Variants in COL24A1 observed in about 807,000 individuals in gnomAD.
COL24A1 encodes the protein collagen type XXIV alpha 1 chain.
In COL24A1, 224 loss-of-function variants were observed where a neutral mutation model predicts 253.9. The observed-to-expected ratio is 0.88, with a 90% CI of 0.79 to 0.99. The LOEUF (loss-of-function observed/expected upper bound fraction) is 0.99, where lower values mean the gene tolerates loss of function less well. COL24A1 is among the 50% of genes least tolerant of loss of function. The pLI is 0.00. For synonymous variants in COL24A1, 685 were observed against 673.7 expected, an observed-to-expected ratio of 1.02 and a Z score of -0.26; for missense variants, 2,131 against 2,068.5, an observed-to-expected ratio of 1.03 and a Z score of -0.59.
intron 19 of COL24A1, among the ~76,000 whole-genome samples, chr1:86,012,788 A>G (rs983588297): frequency 3.9e-5 from 6 of 152,090 alleles, no homozygotes; most frequent in South Asian, 2.1e-4. Context: ...ACTATCCTCT[A>G]TGAGGGCATA....
At chr1:86,052,774 A>C (rs1700406031) in intron 10 of COL24A1, among the ~76,000 whole-genome samples, 1 of 152,088 alleles carries the variant, frequency 6.6e-6, no homozygotes, top group African/African-American at 2.4e-5. Flanking sequence ...TTTAAAAAGA[A>C]AGAGATAAAT....
chr1:85,851,015 A>G (rs549659253), intron 37 of COL24A1, among the ~76,000 whole-genome samples: 178 of 124,740 alleles, frequency 1.4e-3, no homozygotes, highest in African/African-American at 4.1e-3. Context: ...ATATATATAT[A>G]TATATCTACA....
intron 31 of COL24A1, among the ~76,000 whole-genome samples, chr1:85,893,780 A>G (rs1683375986): frequency 6.6e-6 from 1 of 152,090 alleles, no homozygotes; most frequent in Admixed American, 6.5e-5. Flanking sequence ...TCTTATCCCA[A>G]CCATTTTTTA....
chr1:85,802,509 C>T (rs1275300098), intron 47 of COL24A1, among the ~76,000 whole-genome samples: 1 of 152,112 alleles, frequency 6.6e-6, no homozygotes, highest in African/African-American at 2.4e-5. Flanking sequence ...TATCATCTCT[C>T]TCCTCCTCCC....
chr1:86,133,790 G>A (rs934624775), intron 2 of COL24A1, among the ~76,000 whole-genome samples: 1 of 131,560 alleles, frequency 7.6e-6, no homozygotes, highest in African/African-American at 2.8e-5. Flanking sequence ...ATGTTCATCA[G>A]GGATATTGGT....
intron 1 of COL24A1, among the ~76,000 whole-genome samples, chr1:86,147,764 T>A (rs1360151030): frequency 6.6e-6 from 1 of 152,254 alleles, no homozygotes; most frequent in Non-Finnish European, 1.5e-5. Context: ...TGTGTTTATA[T>A]TTACAATGTT....
At chr1:86,108,733 G>A (rs1327935861) in intron 5 of COL24A1, among the ~76,000 whole-genome samples, 1 of 151,600 alleles carries the variant, frequency 6.6e-6, no homozygotes, top group Non-Finnish European at 1.5e-5. Context: ...CTTGAACCCA[G>A]GAGGTGGAGG....
intron 53 of COL24A1, among the ~76,000 whole-genome samples, chr1:85,765,162 C>T (rs1049070800): frequency 6.6e-6 from 1 of 152,088 alleles, no homozygotes; most frequent in Non-Finnish European, 1.5e-5. Flanking sequence ...AATGCAGAAA[C>T]CATCCTTCTC....
chr1:85,864,419 C>T (rs986813850), intron 37 of COL24A1, among the ~76,000 whole-genome samples: 5 of 151,506 alleles, frequency 3.3e-5, no homozygotes, highest in Admixed American at 6.6e-5. Context: ...GGAGGGATAG[C>T]ATTAGGTGAT....
At chr1:85,830,235 G>A (rs535288572) in intron 43 of COL24A1, among the ~76,000 whole-genome samples, 1,695 of 151,040 alleles carry the variant, frequency 0.011, 27 homozygotes, top group African/African-American at 0.038. Flanking sequence ...TAGGCTGCTC[G>A]GGGGTCAGGG....
intron 42 of COL24A1, among the ~76,000 whole-genome samples, chr1:85,840,533 A>C (rs1225258856): frequency 6.6e-6 from 1 of 152,138 alleles, no homozygotes; most frequent in African/African-American, 2.4e-5. Context: ...ACTCTATATA[A>C]TACTATGTGA....
intron 19 of COL24A1, among the ~76,000 whole-genome samples, chr1:86,015,370 G>A (rs1453470673): frequency 6.6e-6 from 1 of 152,160 alleles, no homozygotes; most frequent in African/African-American, 2.4e-5. Flanking sequence ...CAGAGATAAT[G>A]AGATAATGTT....
intron 43 of COL24A1, among the ~76,000 whole-genome samples, chr1:85,836,138 G>C (rs1170458034): frequency 3.9e-5 from 6 of 152,106 alleles, no homozygotes; most frequent in Admixed American, 3.9e-4. Context: ...ATCAAACCTA[G>C]CATAAAAGTA....
At chr1:86,071,073 A>G in intron 7 of COL24A1, among the ~76,000 whole-genome samples, 1 of 152,194 alleles carries the variant, frequency 6.6e-6, no homozygotes, top group East Asian at 1.9e-4. Flanking sequence ...AAAAACAACA[A>G]AAAGTTTAAA....
intron 32 of COL24A1, among the ~76,000 whole-genome samples, chr1:85,882,288 A>AC (rs1197896227): frequency 6.6e-6 from 1 of 151,784 alleles, no homozygotes; most frequent in Admixed American, 6.6e-5. Context: ...CCACGGTGAA[A>AC]CCCGTCTCTA....
intron 7 of COL24A1, among the ~76,000 whole-genome samples, chr1:86,087,053 C>G (rs778735502): frequency 2.7e-4 from 41 of 152,130 alleles, no homozygotes; most frequent in Non-Finnish European, 5.6e-4. Context: ...TAAATACTTT[C>G]AACTAAACCT....
At chr1:85,883,296 T>C (rs138129750) in intron 32 of COL24A1, among the ~76,000 whole-genome samples, 30 of 151,986 alleles carry the variant, frequency 2.0e-4, no homozygotes, top group African/African-American at 7.0e-4. Flanking sequence ...CTCGGTGCAC[T>C]GCAAACTCTG....
At chr1:86,119,819 G>A (rs763501374) in intron 3 of COL24A1, among the ~76,000 whole-genome samples, 4 of 152,048 alleles carry the variant, frequency 2.6e-5, no homozygotes, top group African/African-American at 4.8e-5. Flanking sequence ...TTGGAGGAGG[G>A]GAAAAGTGAG....
At chr1:85,836,169 T>C (rs1675981668) in intron 43 of COL24A1, among the ~76,000 whole-genome samples, 1 of 152,234 alleles carries the variant, frequency 6.6e-6, no homozygotes, top group African/African-American at 2.4e-5. Context: ...ACTGTTTCTT[T>C]GGAGCTTTAT....
Sources: gnomAD v4.1 joint callset for allele counts (sites outside exome capture counted in the v4.1 genomes callset) on GRCh38, gnomAD v4.1.1 for gene constraint, MANE v1.5 for transcripts, NCBI Gene and HGNC (gene_info 2026-07-23, HGNC 2026-07-21) for gene names.